The following NUBPL variants were observed in gnomAD, a reference collection of about 807,000 sequenced individuals.
NUBPL encodes NUBP iron-sulfur cluster assembly factor, mitochondrial.
NUBPL carries 31 observed loss-of-function variants against 45.7 expected under a neutral mutation model. The ratio of observed to expected loss-of-function variants is 0.68; its 90% CI spans 0.51 to 0.92. NUBPL has a LOEUF of 0.92. Among genes scored for constraint, NUBPL ranks in the 40% least tolerant of loss-of-function variants. The pLI, the probability that NUBPL is intolerant of heterozygous loss-of-function variation, is 0.00. For missense variants in NUBPL, 401 were observed against 398.7 expected, an observed-to-expected ratio of 1.01 and a Z score of -0.05; for synonymous variants, 144 against 140.9, an observed-to-expected ratio of 1.02 and a Z score of -0.15.
At chr14:31,828,039 G>C (rs1013563819) in intron 8 of NUBPL, among the ~76,000 whole-genome samples, 1 of 152,042 alleles carries the variant, frequency 6.6e-6, no homozygotes, top group Non-Finnish European at 1.5e-5. Context: ...TTATAAGGAA[G>C]GTGCCTGTAT....
intron 4 of NUBPL, among the ~76,000 whole-genome samples, chr14:31,665,663 T>G (rs956271845): frequency 6.6e-6 from 1 of 152,170 alleles, no homozygotes; most frequent in Admixed American, 6.5e-5. Flanking sequence ...TGTGGTCAGT[T>G]TTAGAATAAG....
chr14:31,739,048 T>C (rs1474131780), intron 6 of NUBPL, among the ~76,000 whole-genome samples: 2 of 151,308 alleles, frequency 1.3e-5, no homozygotes, highest in East Asian at 3.9e-4. Context: ...AGTCTCATTC[T>C]TGTCACCCAG....
chr14:31,753,747 A>G (rs1452893078), intron 6 of NUBPL, among the ~76,000 whole-genome samples: 1 of 152,160 alleles, frequency 6.6e-6, no homozygotes, highest in Non-Finnish European at 1.5e-5. Flanking sequence ...AGGGCCTGTG[A>G]CAACTGTGGG....
At chr14:31,638,346 G>T (rs1318974574) in intron 4 of NUBPL, among the ~76,000 whole-genome samples, 1 of 151,434 alleles carries the variant, frequency 6.6e-6, no homozygotes, top group Non-Finnish European at 1.5e-5. Flanking sequence ...CTTCACTTAT[G>T]AAGCTTAGTT....
At chr14:31,831,200 C>T (rs777383429) in intron 8 of NUBPL, among the ~76,000 whole-genome samples, 110 of 151,728 alleles carry the variant, frequency 7.2e-4, no homozygotes, top group Non-Finnish European at 1.2e-3. Context: ...CCCACCACCA[C>T]GCCCAGCTTA....
At chr14:31,568,724 C>T (rs575803555) in intron 3 of NUBPL, among the ~76,000 whole-genome samples, 1 of 152,196 alleles carries the variant, frequency 6.6e-6, no homozygotes, top group Non-Finnish European at 1.5e-5. Context: ...AGTTGATATA[C>T]TAGAGTGATG....
In NUBPL at chr14:31,846,546, G is replaced by C; in HGVS notation, c.769G>C (p.Asp257His). Residue 257 changes from aspartate to histidine, a missense_variant, in exon 9 of 11, where the codon GAT (aspartate) becomes CAT (histidine). Transcript: ENST00000281081. ...ACACAAAACTCATATTTTTGGTGCT[G>C]ATGGTGCAAGGAAACTAGCACAGAC... is the stretch of plus-strand genomic sequence containing the variant. ...CKHKTHIFGA[D>H]GARKLAQTLG... 6.2e-7 allele frequency: 1 copy of C among 1,613,586 alleles called. No individual in the cohort carries two copies. Among genetic ancestry groups the C allele is most frequent in the Non-Finnish European group, 8.5e-7 (1 of 1,179,758 alleles).
At chr14:31,731,479 A>G (rs1325623397) in intron 6 of NUBPL, among the ~76,000 whole-genome samples, 3 of 152,212 alleles carry the variant, frequency 2.0e-5, no homozygotes. Context: ...AGCATAGTCC[A>G]AAGATTGCTT....
chr14:31,763,022 G>T (rs1446305655), intron 6 of NUBPL, among the ~76,000 whole-genome samples: 2 of 152,136 alleles, frequency 1.3e-5, no homozygotes, highest in Non-Finnish European at 2.9e-5. Context: ...ATAAAACCAT[G>T]AAAATATTAG....
At chr14:31,724,290 A>T (rs939954629) in intron 6 of NUBPL, among the ~76,000 whole-genome samples, 1 of 152,216 alleles carries the variant, frequency 6.6e-6, no homozygotes, top group African/African-American at 2.4e-5. Flanking sequence ...ATCAACTGCT[A>T]AGGCCTGGTA....
chr14:31,688,857 T>C (rs1229106302), intron 6 of NUBPL, among the ~76,000 whole-genome samples: 1 of 151,904 alleles, frequency 6.6e-6, no homozygotes, highest in East Asian at 1.9e-4. Context: ...GTTGTTCCTC[T>C]CTTTGTGTCC....
At chr14:31,617,454 A>G (rs1338730125) in intron 4 of NUBPL, among the ~76,000 whole-genome samples, 1 of 152,222 alleles carries the variant, frequency 6.6e-6, no homozygotes, top group African/African-American at 2.4e-5. Context: ...TGTTCCATCA[A>G]TACCTAGTTT....
At chr14:31,747,135 C>CTTTTT (rs138378744) in intron 6 of NUBPL, among the ~76,000 whole-genome samples, 2 of 126,270 alleles carry the variant, frequency 1.6e-5, no homozygotes, top group African/African-American at 6.5e-5. Flanking sequence ...CAGTCCTGGG[C>CTTTTT]TTTTCTTTTT....
chr14:31,734,683 C>T (rs10145125), intron 6 of NUBPL, among the ~76,000 whole-genome samples: 5,513 of 151,968 alleles, frequency 0.036, 132 homozygotes, highest in African/African-American at 0.076. Flanking sequence ...TATAAATATA[C>T]GTGTCTATGA....
chr14:31,746,025 A>G (rs532642010), intron 6 of NUBPL, among the ~76,000 whole-genome samples: 2 of 152,048 alleles, frequency 1.3e-5, no homozygotes, highest in East Asian at 3.9e-4. Flanking sequence ...GCTGCCCCTC[A>G]CCCCGCTCAG....
chr14:31,781,191 A>C (rs1036352628), intron 6 of NUBPL, among the ~76,000 whole-genome samples: 7 of 152,250 alleles, frequency 4.6e-5, no homozygotes, highest in African/African-American at 1.7e-4. Flanking sequence ...TCATTTAACC[A>C]GAGTGACAAT....
chr14:31,744,955 C>T (rs1310794933), intron 6 of NUBPL, among the ~76,000 whole-genome samples: 2 of 152,092 alleles, frequency 1.3e-5, no homozygotes, highest in Non-Finnish European at 2.9e-5. Context: ...AATCTTCAGA[C>T]ACAGCTTAAA....
intron 6 of NUBPL, among the ~76,000 whole-genome samples, chr14:31,738,274 G>A (rs1443401498): frequency 1.3e-5 from 2 of 152,128 alleles, no homozygotes; most frequent in African/African-American, 4.8e-5. Flanking sequence ...GCTATTTGGA[G>A]GGCAGAGATA....
chr14:31,778,239 G>A (rs1273107081), intron 6 of NUBPL, among the ~76,000 whole-genome samples: 1 of 152,136 alleles, frequency 6.6e-6, no homozygotes, highest in African/African-American at 2.4e-5. Flanking sequence ...CCTTTTTTGG[G>A]AGAAGGATAT....
Sources: gnomAD v4.1 joint callset for allele counts (sites outside exome capture counted in the v4.1 genomes callset) on GRCh38, gnomAD v4.1.1 for gene constraint, MANE v1.5 for transcripts, NCBI Gene and HGNC (gene_info 2026-07-23, HGNC 2026-07-21) for gene names.